Variants in CPS1 observed in about 807,000 individuals in gnomAD.
CPS1 encodes the protein carbamoyl-phosphate synthase 1.
In CPS1, 109 loss-of-function variants were observed where a neutral mutation model predicts 174.6. That is an observed-to-expected ratio of 0.62 (90% CI 0.53 to 0.73). The LOEUF (loss-of-function observed/expected upper bound fraction) is 0.73, where lower values mean the gene tolerates loss of function less well. Among genes scored for constraint, CPS1 ranks in the 30% least tolerant of loss-of-function variants. The pLI is 0.00. For synonymous variants in CPS1, 637 were observed against 632.0 expected (o/e 1.01, Z -0.12); for missense variants, 1,689 against 1,821.9 (o/e 0.93, Z 1.33).
intron 1 of CPS1, among the ~76,000 whole-genome samples, chr2:210,487,801 G>A (rs1463665815): frequency 6.6e-6 from 1 of 151,890 alleles, no homozygotes; most frequent in African/African-American, 2.4e-5. Context: ...ACATGTTTGT[G>A]CTCCCAGCTG....
At chr2:210,611,859 A>G (rs989082184) in intron 19 of CPS1, among the ~76,000 whole-genome samples, 1 of 151,808 alleles carries the variant, frequency 6.6e-6, no homozygotes, top group South Asian at 2.1e-4. Flanking sequence ...TGATTTCCTC[A>G]TCAATCTCAG....
chr2:210,494,673 G>A (rs1052330840), intron 1 of CPS1, among the ~76,000 whole-genome samples: 11 of 152,080 alleles, frequency 7.2e-5, no homozygotes, highest in Non-Finnish European at 1.3e-4. Context: ...GGCTGGGCTA[G>A]GTCTAAAATA....
intron 1 of CPS1, among the ~76,000 whole-genome samples, chr2:210,536,767 A>T (rs1696266241): frequency 6.6e-6 from 1 of 152,204 alleles, no homozygotes; most frequent in African/African-American, 2.4e-5. Context: ...AGAACACTTT[A>T]ATTTGCCTGA....
In CPS1 at chr2:210,583,724, T is replaced by C. The variant is rs372052754; in HGVS notation, c.621+1015T>C. On this transcript the variant is annotated intron_variant, in intron 6 of 37. Coordinates refer to ENST00000233072, the MANE Select transcript of CPS1 (RefSeq NM_001875.5). The stretch of plus-strand genomic sequence containing the variant: ...ACACTTGGGCAAGGATAAGTGGAGA[T>C]GGACTGACTGAAGCTAGGTCTAGAA... 1.1e-4 allele frequency among the ~76,000 whole-genome samples: 16 copies of C among 152,156 alleles called. 1 individual carries two copies. The highest frequency in any genetic ancestry group is 3.9e-4 in the African/African-American group (16 of 41,450).
rs143145468 is a variant in CPS1 at position 210,656,414 on chromosome 2, C to G, written c.3559-111C>G. The G allele has an allele frequency of 3.7e-4, 276 of 755,234 alleles. No homozygotes were observed. The African/African-American group carries it at 4.2e-3, about 11-fold the overall frequency. 46.8% of individuals were successfully genotyped at this position (755,234 alleles called of 1,614,324 possible). A position where few individuals can be genotyped will look rare whatever the true frequency, so the allele number is the denominator to read the frequency against. ...CATCAGGAATGTAGCAAGGGAACTA[C>G]TTAGTGCTCAGTGCATCTGTTAGGA... is the stretch of plus-strand genomic sequence containing the variant. On this transcript the variant is annotated intron_variant, in intron 29 of 37. Coordinates refer to ENST00000233072, the MANE Select transcript of CPS1 (RefSeq NM_001875.5).
chr2:210,574,794 T>C (rs1226937956), intron 2 of CPS1, among the ~76,000 whole-genome samples: 1 of 152,046 alleles, frequency 6.6e-6, no homozygotes, highest in East Asian at 1.9e-4. Context: ...CTGAAGAGTA[T>C]TGTAAGCATA....
chr2:210,585,108 T>C (rs966721395), intron 6 of CPS1, among the ~76,000 whole-genome samples: 5 of 152,064 alleles, frequency 3.3e-5, no homozygotes, highest in Non-Finnish European at 5.9e-5. Context: ...TTTGAAAGGA[T>C]TGTCTCTTTC....
At chr2:210,482,351 G>C (rs990514222) in intron 1 of CPS1, among the ~76,000 whole-genome samples, 11 of 150,970 alleles carry the variant, frequency 7.3e-5, no homozygotes, top group Non-Finnish European at 1.6e-4. Flanking sequence ...CTGTCTCCCA[G>C]GCTGGAGTGC....
chr2:210,564,381 T>A (rs1290665815), intron 1 of CPS1, among the ~76,000 whole-genome samples: 2 of 144,742 alleles, frequency 1.4e-5, no homozygotes, highest in Non-Finnish European at 3.0e-5. Context: ...TTAACAATGA[T>A]TTTTTTTTTT....
chr2:210,638,588 C>G (rs73984673), intron 22 of CPS1, among the ~76,000 whole-genome samples: 7,887 of 152,266 alleles, frequency 0.052, 714 homozygotes, highest in African/African-American at 0.18. Context: ...CTTACACCAG[C>G]TTGCCCTGTC....
chr2:210,489,475 A>T (rs893128682), intron 1 of CPS1, among the ~76,000 whole-genome samples: 15 of 152,146 alleles, frequency 9.9e-5, no homozygotes, highest in Middle Eastern at 3.2e-3. Flanking sequence ...CCTTACTCTG[A>T]TAGACTGACC....
chr2:210,524,646 T>G (rs1367073930), intron 1 of CPS1, among the ~76,000 whole-genome samples: 2 of 151,968 alleles, frequency 1.3e-5, no homozygotes, highest in Non-Finnish European at 2.9e-5. Flanking sequence ...CCAATCTCCC[T>G]TAGCTAATTC....
chr2:210,484,034 A>C (rs537883782), intron 1 of CPS1, among the ~76,000 whole-genome samples: 71 of 152,338 alleles, frequency 4.7e-4, no homozygotes, highest in African/African-American at 1.7e-3. Flanking sequence ...TAAGAAACTG[A>C]ATAAGCAAAC....
chr2:210,512,106 G>C (rs1421219685), intron 1 of CPS1, among the ~76,000 whole-genome samples: 1 of 152,040 alleles, frequency 6.6e-6, no homozygotes. Context: ...CCACATTTCA[G>C]AGAATGACAA....
intron 1 of CPS1, among the ~76,000 whole-genome samples, chr2:210,531,314 C>T (rs1574496345): frequency 2.0e-5 from 3 of 152,116 alleles, no homozygotes; most frequent in Non-Finnish European, 1.5e-5. Flanking sequence ...ACTCTTCTGC[C>T]AGCCTTGGCT....
Position 210,605,214 on chromosome 2 carries a change from T to C in CPS1, c.1949T>C (p.Met650Thr), listed in dbSNP as rs1698865403. 1 of 1,612,160 alleles carries C rather than the reference T, an allele frequency of 6.2e-7. No individual in the cohort carries two copies. Among genetic ancestry groups the C allele is most frequent in the Non-Finnish European group, 8.5e-7 (1 of 1,178,740 alleles). Reference protein sequence around the residue: ...ADDNCVTVCNMENVDAMGVHT... With the variant: ...ADDNCVTVCNTENVDAMGVHT... The stretch of plus-strand genomic sequence containing the variant: ...GACAATTGTGTCACTGTCTGTAACA[T>C]GGAAAATGTTGATGCCATGGGTGTT... Residue 650 changes from methionine to threonine, a missense_variant, in exon 17 of 38, where the codon ATG (methionine) becomes ACG (threonine). By Grantham distance (81) the Met-to-Thr change is moderately conservative. Coordinates refer to ENST00000233072, the MANE Select transcript of CPS1 (RefSeq NM_001875.5).
intron 6 of CPS1, among the ~76,000 whole-genome samples, chr2:210,584,937 C>T (rs7576225): frequency 0.48 from 72,909 of 151,874 alleles, 17,758 homozygotes; most frequent in Middle Eastern, 0.59. Flanking sequence ...ACGTAGAAAT[C>T]TTTTCCCATG....
chr2:210,501,731 G>T (rs36121949), intron 1 of CPS1, among the ~76,000 whole-genome samples: 3,661 of 152,266 alleles, frequency 0.024, 80 homozygotes, highest in Non-Finnish European at 0.038. Flanking sequence ...CATTAGACAA[G>T]TCTCTAGGAA....
chr2:210,549,833 T>G (rs113317681), intron 1 of CPS1, among the ~76,000 whole-genome samples: 1,980 of 152,170 alleles, frequency 0.013, 21 homozygotes, highest in Non-Finnish European at 0.021. Context: ...ATACAATGTC[T>G]GATACATAGA....
Sources: allele counts gnomAD v4.1 joint callset (sites outside exome capture counted in the v4.1 genomes callset), GRCh38; gene constraint gnomAD v4.1.1; transcripts MANE v1.5; gene names NCBI Gene and HGNC (gene_info 2026-07-23, HGNC 2026-07-21).